OXSR1: variants seen among roughly 807,000 people sequenced by gnomAD.
OXSR1 encodes serine/threonine-protein kinase OSR1.
OXSR1 carries 24 observed loss-of-function variants against 79.8 expected under a neutral mutation model. The ratio of observed to expected loss-of-function variants is 0.30; its 90% CI spans 0.22 to 0.42. The LOEUF is 0.42. OXSR1 is among the 10% of genes least tolerant of loss of function. The pLI is 1.00. For missense variants in OXSR1, 430 were observed against 618.4 expected, an observed-to-expected ratio of 0.70 and a Z score of 3.23; for synonymous variants, 226 against 209.2, an observed-to-expected ratio of 1.08 and a Z score of -0.69.
chr3:38,252,205 T>G, intron 16 of OXSR1, 123 bp from the exon 17 acceptor site: 1 of 725,424 alleles, frequency 1.4e-6, no homozygotes, highest in Non-Finnish European at 2.5e-6. Flanking sequence ...TTATTTGATC[T>G]GTCTGCTTCC....
chr3:38,209,633 CTT>C (rs36124151), intron 4 of OXSR1, among the ~76,000 whole-genome samples: 8,704 of 131,884 alleles, frequency 0.066, 192 homozygotes, highest in Middle Eastern at 0.13. Flanking sequence ...ATCAATTATA[CTT>C]TTTTTTTTTT....
At chr3:38,219,990 A>AT (rs1702557479) in intron 5 of OXSR1, among the ~76,000 whole-genome samples, 1 of 151,970 alleles carries the variant, frequency 6.6e-6, no homozygotes, top group Non-Finnish European at 1.5e-5. Context: ...TATTTTTTGT[A>AT]CAGATGGGGT....
At chr3:38,203,054 GCTCCTTGTCCACTTCCGTGTTC>G (rs1470144067) in intron 4 of OXSR1, among the ~76,000 whole-genome samples, 1 of 152,200 alleles carries the variant, frequency 6.6e-6, no homozygotes, top group Non-Finnish European at 1.5e-5. Context: ...CAGTGGTCAC[GCTCCTTGTCCACTTCCGTGTTC>G]CTCCCGTACC....
chr3:38,204,295 T>C lies in OXSR1; in HGVS notation c.434+5432T>C, dbSNP rs532935115. On this transcript the variant is annotated intron_variant, in intron 4 of 17. Transcript: ENST00000311806. Reference sequence around the variant, plus strand: ...GCCATCCAAGAGCCAAGGCCTGGAATTGGGGACCCCAAGCGCCTGCTTGGT... The same window carrying C: ...GCCATCCAAGAGCCAAGGCCTGGAACTGGGGACCCCAAGCGCCTGCTTGGT... 4.6e-5 allele frequency among the ~76,000 whole-genome samples: 7 copies of C among 152,142 alleles called. No homozygotes were observed. The South Asian group carries it at 6.2e-4, about 14-fold the overall frequency.
chr3:38,250,189 C>T lies in OXSR1; in HGVS notation c.1375+171C>T, dbSNP rs1703227348. 1.9e-5 allele frequency: 11 copies of T among 582,878 alleles called. No homozygotes were observed. The South Asian group carries it at 2.1e-4, about 11-fold the overall frequency. 36.1% of individuals were successfully genotyped at this position (582,878 alleles called of 1,614,324 possible). On this transcript the variant is annotated intron_variant, in intron 15 of 17. Coordinates refer to ENST00000311806, the MANE Select transcript of OXSR1 (RefSeq NM_005109.3). ...AAAATGCAGTTCGTTGACTACTAAA[C>T]ACATTTAGAAAACCTTGTATAATAA...
chr3:38,245,956 C>A, intron 12 of OXSR1, 119 bp from the exon 13 acceptor site: 1 of 833,892 alleles, frequency 1.2e-6, no homozygotes, highest in Non-Finnish European at 2.0e-6. Flanking sequence ...AGACACAAAA[C>A]CTGTACACTA....
intron 4 of OXSR1, among the ~76,000 whole-genome samples, chr3:38,203,651 T>C (rs537314492): frequency 3.3e-5 from 5 of 152,158 alleles, no homozygotes; most frequent in Non-Finnish European, 7.3e-5. Flanking sequence ...AGGCAGAGAC[T>C]CTTTTTCTCT....
intron 4 of OXSR1, among the ~76,000 whole-genome samples, chr3:38,200,100 G>A (rs1702136595): frequency 6.6e-6 from 1 of 152,178 alleles, no homozygotes. Context: ...ACTGCATATG[G>A]GGGAGGGGAT....
rs759677177 is a variant in OXSR1 at position 38,251,477 on chromosome 3, T to A, written c.1444+6T>A. The A allele has an allele frequency of 1.9e-6, 3 of 1,607,868 alleles. No individual in the cohort carries two copies. The highest frequency in any genetic ancestry group is 2.6e-6 in the Non-Finnish European group (3 of 1,174,436). On this transcript the variant is annotated splice_donor_region_variant and intron_variant, in intron 16 of 17. Transcript: ENST00000311806. ...CGGAAGGGATTTAGTAATAGGTAAC[T>A]CCATTGCGTTCTGCTCATGTGCTCC...
chr3:38,229,643 G>A, intron 8 of OXSR1, 44 bp from the exon 9 acceptor site: 2 of 1,531,028 alleles, frequency 1.3e-6, no homozygotes, highest in South Asian at 1.1e-5. Context: ...CATTACACTT[G>A]AATTAATTAT....
chr3:38,191,253 T>TG (rs775311707), intron 3 of OXSR1, among the ~76,000 whole-genome samples: 1 of 151,728 alleles, frequency 6.6e-6, no homozygotes, highest in African/African-American at 2.4e-5. Context: ...TTTTTGGAGA[T>TG]GGGGTCTCAC....
chr3:38,171,409 A>G (rs925942372), intron 1 of OXSR1, among the ~76,000 whole-genome samples: 5 of 152,238 alleles, frequency 3.3e-5, no homozygotes, highest in Admixed American at 6.5e-5. Context: ...GATCATTTAA[A>G]TTTTGTTTTC....
chr3:38,229,884 G>C (rs2125841983), intron 9 of OXSR1, 149 bp downstream of exon 9: 2 of 635,996 alleles, frequency 3.1e-6, no homozygotes, highest in Non-Finnish European at 5.5e-6. Context: ...TACAGTCTTT[G>C]ATAATTAAGA....
chr3:38,251,126 TAGAG>T (rs1414271156), intron 15 of OXSR1, among the ~76,000 whole-genome samples: 3 of 152,202 alleles, frequency 2.0e-5, no homozygotes, highest in Non-Finnish European at 2.9e-5. Context: ...TTTTTAGCCC[TAGAG>T]ATGTTCAGTA....
At chr3:38,242,577 T>C (rs149207168) in intron 11 of OXSR1, among the ~76,000 whole-genome samples, 166 bp from the exon 12 acceptor site, 8 of 152,324 alleles carry the variant, frequency 5.3e-5, no homozygotes, top group East Asian at 1.9e-4. Context: ...AATACTATCA[T>C]GACAGTTATT....
intron 5 of OXSR1, among the ~76,000 whole-genome samples, chr3:38,217,539 G>GT (rs1007292410): frequency 1.5e-4 from 23 of 151,900 alleles, no homozygotes; most frequent in East Asian, 7.7e-4. Context: ...TTGTTTGTTT[G>GT]TTTTTTTTGA....
intron 4 of OXSR1, among the ~76,000 whole-genome samples, chr3:38,201,455 A>T (rs957064037): frequency 2.0e-5 from 3 of 152,058 alleles, no homozygotes; most frequent in Non-Finnish European, 2.9e-5. Context: ...TCACGCCTGT[A>T]ATCCCAGCAC....
At chr3:38,189,949 AG>A (rs1315220056) in intron 2 of OXSR1, among the ~76,000 whole-genome samples, 2 of 152,228 alleles carry the variant, frequency 1.3e-5, no homozygotes, top group African/African-American at 4.8e-5. Flanking sequence ...GGAGACATAC[AG>A]GGTGCTTGGA....
chr3:38,234,106 G>A (rs528232241), intron 10 of OXSR1, among the ~76,000 whole-genome samples: 1 of 152,044 alleles, frequency 6.6e-6, no homozygotes, highest in South Asian at 2.1e-4. Context: ...AACTCAAAAT[G>A]GATTGTTGAC....
Sources: allele counts gnomAD v4.1 joint callset (sites outside exome capture counted in the v4.1 genomes callset), GRCh38; gene constraint gnomAD v4.1.1; transcripts MANE v1.5; gene names NCBI Gene and HGNC (gene_info 2026-07-23, HGNC 2026-07-21).